The following USB1 variants were observed in gnomAD, a reference collection of about 807,000 sequenced individuals.
The protein encoded by USB1 is U6 snRNA phosphodiesterase 1.
Under a neutral mutation model 29.9 loss-of-function variants are expected in USB1, and 21 were observed. That is an observed-to-expected ratio of 0.70 (90% CI 0.50 to 1.01). USB1 has a LOEUF of 1.01. Ranked by LOEUF, USB1 falls within the 50% of genes least tolerant of loss-of-function variation. The pLI, the probability that USB1 is intolerant of heterozygous loss-of-function variation, is 0.00. For synonymous variants in USB1, 143 were observed against 134.9 expected (o/e 1.06, Z -0.42); for missense variants, 330 against 347.1 (o/e 0.95, Z 0.39).
chr16:58,011,024 T>C (rs1963481867), intron 3 of USB1: 3 of 715,080 alleles, frequency 4.2e-6, no homozygotes, highest in African/African-American at 1.7e-5. Context: ...TCAGCCCCCA[T>C]CCAGGACCTC....
intron 2 of USB1, among the ~76,000 whole-genome samples, chr16:58,007,156 G>T (rs1008367350): frequency 6.6e-6 from 1 of 152,202 alleles, no homozygotes; most frequent in Non-Finnish European, 1.5e-5. Flanking sequence ...GTCCATGAGA[G>T]ATATGGGTCT....
chr16:58,001,307 G>A, upstream of USB1: 1 of 734,540 alleles, frequency 1.4e-6, no homozygotes, highest in South Asian at 1.6e-5. Context: ...CAGACAGCTT[G>A]GAGTCGGTGG....
chr16:58,014,097 G>C (rs1030080845), intron 3 of USB1, 176 bp from the exon 4 acceptor site: 26 of 611,686 alleles, frequency 4.3e-5, no homozygotes, highest in Non-Finnish European at 7.0e-5. Flanking sequence ...GTGATTTTAA[G>C]GTCTTGTCCA....
chr16:58,001,257 C>A, upstream of USB1: 1 of 616,906 alleles, frequency 1.6e-6, no homozygotes, highest in African/African-American at 1.8e-5. Flanking sequence ...CAGCGGGGTG[C>A]CGGGAGGCTG....
At chr16:58,010,495 A>T (rs908579613) in intron 3 of USB1, among the ~76,000 whole-genome samples, 1 of 152,082 alleles carries the variant, frequency 6.6e-6, no homozygotes, top group African/African-American at 2.4e-5. Flanking sequence ...GTTAGTGCAG[A>T]CTTCATAGGT....
At position 58,001,416 on chromosome 16, in the gene USB1, A is replaced by G; in HGVS notation, c.-68A>G. On this transcript the variant is annotated 5_prime_UTR_variant, in exon 1 of 7. Transcript: ENST00000219281. ...CCGCCCCTGGGAGGGCGCTTCCGGC[A>G]CAGCGGAACTCCGGGTGCCGGTTGA... 4.5e-6 allele frequency: 7 copies of G among 1,541,400 alleles called. No homozygotes were observed. In the South Asian group the frequency reaches 8.3e-5, roughly 18 times the overall value.
Position 58,002,392 on chromosome 16 carries a change from A to G in USB1, c.99-87A>G, listed in dbSNP as rs182221494. ...AAACACACACTCAGAGCCACCATAT[A>G]TAAGGGGTTACAACTTTTGTGGTAT... On this transcript the variant is annotated intron_variant, in intron 1 of 6. Transcript: ENST00000219281. 6.3e-6 allele frequency: 10 copies of G among 1,588,284 alleles called. No individual in the cohort carries two copies. The South Asian group carries it at 8.9e-5, about 14-fold the overall frequency.
At chr16:58,005,104 G>T (rs1745362623) in intron 2 of USB1, among the ~76,000 whole-genome samples, 1 of 152,186 alleles carries the variant, frequency 6.6e-6, no homozygotes, top group African/African-American at 2.4e-5. Context: ...GAGACTTTTA[G>T]TACTTTCACT....
chr16:58,005,818 T>C (rs1226791511), intron 2 of USB1, among the ~76,000 whole-genome samples: 4 of 152,236 alleles, frequency 2.6e-5, no homozygotes, highest in Non-Finnish European at 5.9e-5. Context: ...ATAGATCTTA[T>C]ACTTATTTTG....
chr16:58,021,258 G>T lies in USB1; in HGVS notation c.*1013G>T, dbSNP rs1012397244. 1.3e-5 allele frequency: 2 copies of T among 152,264 alleles called. No individual in the cohort carries two copies. Among genetic ancestry groups the T allele is most frequent in the Non-Finnish European group, 2.9e-5 (2 of 68,038 alleles). 9.4% of individuals were successfully genotyped at this position (152,264 alleles called of 1,614,324 possible). A position where few individuals can be genotyped will look rare whatever the true frequency, so the allele number is the denominator to read the frequency against. On this transcript the variant is annotated 3_prime_UTR_variant, in exon 7 of 7. Transcript: ENST00000219281. Reference sequence around the variant, plus strand: ...TCTTTCTCCCACTCACCCCCAGCAAGGTGCCTGGGGAGACTTGAGCAGATG... The same window carrying T: ...TCTTTCTCCCACTCACCCCCAGCAATGTGCCTGGGGAGACTTGAGCAGATG...
chr16:58,007,873 C>T (rs1963398367), intron 2 of USB1, among the ~76,000 whole-genome samples: 1 of 152,044 alleles, frequency 6.6e-6, no homozygotes, highest in Non-Finnish European at 1.5e-5. Context: ...ATCCCAGCTA[C>T]TCGGGAGACT....
rs769724028 is a variant in USB1 at position 58,002,550 on chromosome 16, A to C, written c.170A>C (p.Glu57Ala). ...GTGCTGAACATGTTCCCGGGCACCGAGGAGGGGCCTGAAGATGACAGCACA... is the reference window on the plus strand; with the variant it reads ...GTGCTGAACATGTTCCCGGGCACCGCGGAGGGGCCTGAAGATGACAGCACA... ...DSVLNMFPGT[E>A]EGPEDDSTKH... Residue 57 changes from glutamate to alanine, a missense_variant, in exon 2 of 7, where the codon GAG (glutamate) becomes GCG (alanine). Transcript: ENST00000219281. 1.2e-6 allele frequency: 2 copies of C among 1,614,086 alleles called. No individual in the cohort carries two copies. The highest frequency in any genetic ancestry group is 1.1e-5 in the South Asian group (1 of 91,080).
chr16:58,004,889 G>A (rs1423532424), intron 2 of USB1, among the ~76,000 whole-genome samples: 3 of 152,174 alleles, frequency 2.0e-5, no homozygotes, highest in African/African-American at 4.8e-5. Flanking sequence ...CGCGGAGACC[G>A]GTAGTGGCCT....
chr16:58,008,601 G>C (rs1026093420), intron 2 of USB1, among the ~76,000 whole-genome samples: 5 of 151,644 alleles, frequency 3.3e-5, no homozygotes, highest in African/African-American at 1.2e-4. Context: ...CTATAGGCAC[G>C]CACCACCGTG....
chr16:58,012,762 T>C, intron 3 of USB1: 1 of 1,028,062 alleles, frequency 9.7e-7, no homozygotes, highest in Non-Finnish European at 1.2e-6. Flanking sequence ...TTAGTGCTGA[T>C]GACTGGCACA....
chr16:58,011,477 C>T, intron 3 of USB1: 1 of 1,022,206 alleles, frequency 9.8e-7, no homozygotes, highest in East Asian at 8.9e-5. Context: ...CAGATCAAAA[C>T]CCTGCTCTTT....
At chr16:58,012,913 A>G (rs1963531844) in intron 3 of USB1, 1 of 986,790 alleles carries the variant, frequency 1.0e-6, no homozygotes, top group Non-Finnish European at 1.2e-6. Flanking sequence ...AGTCCATTGC[A>G]AGAAATACTG....
chr16:58,011,358 C>T, intron 3 of USB1: 1 of 1,254,678 alleles, frequency 8.0e-7, no homozygotes, highest in Non-Finnish European at 1.0e-6. Context: ...TAGTACCAGA[C>T]CCCACTTCTG....
At chr16:58,000,433 G>A (rs1963146435), upstream of USB1, 1 of 150,298 alleles carries the variant, frequency 6.7e-6, no homozygotes, top group Non-Finnish European at 1.5e-5. This position sits in a 1 kb window ranked among gnomAD's most constrained non-coding sequence, Gnocchi z 4.5. Context: ...CAGGCGCGGG[G>A]CGAGCGGCGA....
Sources: allele counts gnomAD v4.1 joint callset (sites outside exome capture counted in the v4.1 genomes callset), GRCh38; gene constraint gnomAD v4.1.1; non-coding constraint Gnocchi (gnomAD v3.1); transcripts MANE v1.5; gene names NCBI Gene and HGNC (gene_info 2026-07-23, HGNC 2026-07-21).